Variants in ATP11C observed in about 807,000 individuals in gnomAD.
The protein encoded by ATP11C is phospholipid-transporting ATPase IG.
In ATP11C, 36 loss-of-function variants were observed where a neutral mutation model predicts 97.4. That is an observed-to-expected ratio of 0.37 (90% CI 0.28 to 0.49). The LOEUF is 0.49. Among genes scored for constraint, ATP11C ranks in the 20% least tolerant of loss-of-function variants. The pLI is 0.98. For synonymous variants in ATP11C, 275 were observed against 290.9 expected (o/e 0.95, Z 0.56); for missense variants, 730 against 824.6 (o/e 0.89, Z 1.40).
At chrX:139,742,364 G>GT (rs1364521894) in intron 26 of ATP11C, among the ~76,000 whole-genome samples, 1 of 111,836 alleles carries the variant, frequency 8.9e-6, no homozygotes, top group Non-Finnish European at 1.9e-5. Flanking sequence ...CACACAGCTA[G>GT]TAAGTGGCTA....
At chrX:139,800,274 T>C (rs1026487074) in intron 7 of ATP11C, among the ~76,000 whole-genome samples, 164 bp from the exon 8 acceptor site, 2 of 111,730 alleles carry the variant, frequency 1.8e-5, no homozygotes, top group African/African-American at 6.5e-5. Flanking sequence ...AAAGTTATGT[T>C]GAATTGATAA....
At chrX:139,745,131 C>T (rs1210331400) in intron 25 of ATP11C, among the ~76,000 whole-genome samples, 1 of 111,188 alleles carries the variant, frequency 9.0e-6, no homozygotes, top group Non-Finnish European at 1.9e-5. Context: ...CTCAGCTGTC[C>T]CCGCCATCAG....
chrX:139,829,389 T>G (rs1311129265), intron 1 of ATP11C, among the ~76,000 whole-genome samples: 2 of 112,253 alleles, frequency 1.8e-5, no homozygotes, highest in African/African-American at 3.2e-5. Context: ...CTCAAGTAAA[T>G]TCAATGTAAT....
intron 1 of ATP11C, among the ~76,000 whole-genome samples, chrX:139,843,912 G>GAA (rs199615238): frequency 0.026 from 2,005 of 76,822 alleles, 62 homozygotes; most frequent in African/African-American, 0.082. Context: ...TTCTGACAAA[G>GAA]AAAAAAAAAA....
intron 1 of ATP11C, 39 bp downstream of exon 1, chrX:139,931,977 G>A: frequency 1.7e-6 from 2 of 1,149,939 alleles, no homozygotes. Context: ...TGGCGAGCAA[G>A]CAAACCGGCA....
At chrX:139,826,669 A>G (rs776542564) in intron 2 of ATP11C, 35 bp downstream of exon 2, 3 of 1,146,650 alleles carry the variant, frequency 2.6e-6, no homozygotes, top group South Asian at 1.9e-5. Flanking sequence ...CTGATTCACT[A>G]TATGAACATC....
chrX:139,893,167 C>T (rs1349857356), intron 1 of ATP11C, among the ~76,000 whole-genome samples: 2 of 111,768 alleles, frequency 1.8e-5, no homozygotes, highest in South Asian at 3.8e-4. Context: ...GCCTCTCGAG[C>T]AGCTGGGACT....
intron 1 of ATP11C, among the ~76,000 whole-genome samples, chrX:139,852,452 CGGGGGGGGGGGGGGGGGGGGGGGG>C (rs372368937): frequency 1.6e-4 from 2 of 12,251 alleles, no homozygotes; most frequent in Non-Finnish European, 5.2e-4. Flanking sequence ...CTCAGCAATG[CGGGGGGGGGGGGGGGGGGGGGGGG>C]GGGGGAACTG....
At chrX:139,880,674 A>T (rs1489050889) in intron 1 of ATP11C, among the ~76,000 whole-genome samples, 1 of 111,730 alleles carries the variant, frequency 9.0e-6, no homozygotes, top group African/African-American at 3.3e-5. Flanking sequence ...CAGATTCCCC[A>T]CCTGATCAGC....
At chrX:139,857,429 T>C (rs1426457794) in intron 1 of ATP11C, among the ~76,000 whole-genome samples, 1 of 111,725 alleles carries the variant, frequency 9.0e-6, no homozygotes, top group Non-Finnish European at 1.9e-5. Context: ...GTAAAGAATC[T>C]TTTTCGATTA....
chrX:139,912,962 T>A (rs2085100392), intron 1 of ATP11C, among the ~76,000 whole-genome samples: 1 of 111,988 alleles, frequency 8.9e-6, no homozygotes, highest in South Asian at 3.7e-4. Context: ...GCTCCCTTGC[T>A]AGGGCTCTCA....
At chrX:139,912,208 A>G (rs1019893797) in intron 1 of ATP11C, among the ~76,000 whole-genome samples, 3 of 109,409 alleles carry the variant, frequency 2.7e-5, no homozygotes, top group Non-Finnish European at 5.7e-5. Context: ...TAGCAATACA[A>G]TATTGAGTAA....
chrX:139,728,914 T>C lies in ATP11C; in HGVS notation c.*52A>G. 2 of 1,204,209 alleles carry C rather than the reference T, an allele frequency of 1.7e-6. No individual in the cohort carries two copies. The highest frequency in any genetic ancestry group is 2.2e-6 in the Non-Finnish European group (2 of 890,025). ...TGCTTTCTTTTTTAGCTGTAACCAC[T>C]GTCAGTATGCTTGTAGGACAATAAC... is the stretch of plus-strand genomic sequence containing the variant. On this transcript the variant is annotated 3_prime_UTR_variant, in exon 30 of 30. Coordinates refer to ENST00000682941, the MANE Select transcript of ATP11C (RefSeq NM_001353812.2).
At chrX:139,762,184 G>T in intron 21 of ATP11C, 78 bp from the exon 22 acceptor site, 2 of 833,532 alleles carry the variant, frequency 2.4e-6, no homozygotes, top group Non-Finnish European at 3.3e-6. Context: ...GTTTCAACTT[G>T]GTTTAATGTT....
chrX:139,857,930 C>T (rs1353770797), intron 1 of ATP11C, among the ~76,000 whole-genome samples: 2 of 112,266 alleles, frequency 1.8e-5, no homozygotes. Context: ...AATGTGATTG[C>T]CACTATGATG....
At position 139,800,213 on chromosome X, in the gene ATP11C, A is replaced by G. The variant is rs73579579; in HGVS notation, c.660-103T>C. 554 of 594,444 alleles carry G rather than the reference A, an allele frequency of 9.3e-4. 2 individuals carry two copies. The African/African-American group carries it at 0.011, about 12-fold the overall frequency. 49.0% of individuals were successfully genotyped at this position (594,444 alleles called of 1,213,427 possible). ...AAAATACAAATAATAAAACAGAGAT[A>G]GATAAAACTGTGAATGAACTACAAA... is the stretch of plus-strand genomic sequence containing the variant. On this transcript the variant is annotated intron_variant, in intron 7 of 29. Coordinates refer to ENST00000682941, the MANE Select transcript of ATP11C (RefSeq NM_001353812.2).
At chrX:139,747,568 T>C (rs915734187) in intron 24 of ATP11C, among the ~76,000 whole-genome samples, 1 of 111,598 alleles carries the variant, frequency 9.0e-6, no homozygotes, top group African/African-American at 3.3e-5. Flanking sequence ...AAGAAACAAA[T>C]TACACCTGTT....
chrX:139,832,275 T>A, intron 1 of ATP11C: 1 of 1,165,716 alleles, frequency 8.6e-7, no homozygotes, highest in Non-Finnish European at 1.1e-6. Flanking sequence ...TACCAACCCC[T>A]GTGATCCTTG....
intron 27 of ATP11C, among the ~76,000 whole-genome samples, chrX:139,739,115 T>A (rs1204478283): frequency 2.7e-5 from 3 of 110,754 alleles, no homozygotes; most frequent in Non-Finnish European, 5.7e-5. Flanking sequence ...GGGAAAAGTC[T>A]GCCACATGGA....
Sources: gnomAD v4.1 joint callset for allele counts (sites outside exome capture counted in the v4.1 genomes callset) on GRCh38, gnomAD v4.1.1 for gene constraint, MANE v1.5 for transcripts, NCBI Gene and HGNC (gene_info 2026-07-23, HGNC 2026-07-21) for gene names.